Variants in L3MBTL4 observed in about 807,000 individuals in gnomAD.
L3MBTL4 encodes lethal(3)malignant brain tumor-like protein 4.
Under a neutral mutation model 84.5 loss-of-function variants are expected in L3MBTL4, and 70 were observed. The ratio of observed to expected loss-of-function variants is 0.83; its 90% CI spans 0.68 to 1.01. The LOEUF (loss-of-function observed/expected upper bound fraction) is 1.01, where lower values mean the gene tolerates loss of function less well. L3MBTL4 is among the 50% of genes least tolerant of loss of function. The pLI, the probability that L3MBTL4 is intolerant of heterozygous loss-of-function variation, is 0.00. For synonymous variants in L3MBTL4, 274 were observed against 259.8 expected, an observed-to-expected ratio of 1.05 and a Z score of -0.52; for missense variants, 715 against 754.8, an observed-to-expected ratio of 0.95 and a Z score of 0.62.
At chr18:6,282,959 C>G (rs1156531020) in intron 4 of L3MBTL4, among the ~76,000 whole-genome samples, 1 of 152,174 alleles carries the variant, frequency 6.6e-6, no homozygotes. Context: ...CTCCAGGCAG[C>G]CCCTGAGGTC....
intron 16 of L3MBTL4, among the ~76,000 whole-genome samples, chr18:5,995,548 T>C (rs1370337783): frequency 6.6e-6 from 1 of 152,240 alleles, no homozygotes; most frequent in Non-Finnish European, 1.5e-5. Context: ...GATGTGTACC[T>C]AGCTTTGCTC....
intron 16 of L3MBTL4, among the ~76,000 whole-genome samples, chr18:6,068,029 A>G (rs2057455637): frequency 6.6e-6 from 1 of 151,950 alleles, no homozygotes; most frequent in Admixed American, 6.6e-5. Context: ...ATTATAGCCT[A>G]ATTTGATTCT....
intron 5 of L3MBTL4, among the ~76,000 whole-genome samples, chr18:6,255,271 C>A (rs921918325): frequency 2.6e-5 from 4 of 152,208 alleles, no homozygotes; most frequent in African/African-American, 9.7e-5. Context: ...CAGCTTCCAG[C>A]TGGAACTGCA....
At chr18:6,367,096 A>G (rs557336208) in intron 1 of L3MBTL4, among the ~76,000 whole-genome samples, 1 of 152,358 alleles carries the variant, frequency 6.6e-6, no homozygotes, top group African/African-American at 2.4e-5. Context: ...CCCAAGCCCG[A>G]CAGTCTAACC....
At chr18:6,143,081 CT>C (rs907753726) in intron 13 of L3MBTL4, among the ~76,000 whole-genome samples, 2 of 152,178 alleles carry the variant, frequency 1.3e-5, no homozygotes, top group African/African-American at 4.8e-5. Flanking sequence ...AAAAAATACT[CT>C]CCATCAGCTA....
intron 1 of L3MBTL4, among the ~76,000 whole-genome samples, chr18:6,344,555 C>A (rs1184261502): frequency 6.6e-6 from 1 of 152,160 alleles, no homozygotes; most frequent in Non-Finnish European, 1.5e-5. Context: ...CAGCATTACC[C>A]TGATAGCAAA....
In L3MBTL4 at chr18:6,146,477, C is replaced by T. The variant is rs193128942; in HGVS notation, c.1097-8181G>A. Among the ~76,000 whole-genome samples, 566 of 152,278 alleles carry T rather than the reference C, an allele frequency of 3.7e-3. 2 individuals are homozygous for T. The highest frequency in any genetic ancestry group is 0.013 in the African/African-American group (531 of 41,550). ...CTACGAGGAAGCTGCGGAGAAGGCG[C>T]TCAGTCCATGCAACGGTTGAACCTG... On this transcript the variant is annotated intron_variant, in intron 13 of 18. Transcript: ENST00000317931.
At position 5,955,995 on chromosome 18, in the gene L3MBTL4, A is replaced by G. The variant is rs1431068143; in HGVS notation, c.*225T>C. ...AGCTGAGCGGATCCCACCAAAGATA[A>G]CAATGTTCGTAAACCAAACCCACAG... is the stretch of plus-strand genomic sequence containing the variant. On this transcript the variant is annotated 3_prime_UTR_variant, in exon 19 of 19. Coordinates refer to ENST00000317931, the MANE Select transcript of L3MBTL4 (RefSeq NM_001330559.2). 2.1e-6 allele frequency: 1 copy of G among 469,352 alleles called. No homozygotes were observed. The highest frequency in any genetic ancestry group is 3.8e-6 in the Non-Finnish European group (1 of 266,010). The allele number at this position is 469,352 out of a possible 1,614,324, so 29.1% of individuals were successfully genotyped here.
intron 12 of L3MBTL4, among the ~76,000 whole-genome samples, chr18:6,185,960 C>CTTTATTTTATTTTACTTTATTTTAT (rs1555682204): frequency 4.1e-5 from 6 of 145,786 alleles, no homozygotes; most frequent in African/African-American, 1.1e-4. Context: ...AGGGCACTTT[C>CTTTATTTTATTTTACTTTATTTTAT]TTTATTTTAT....
In L3MBTL4 at chr18:6,385,359, A is replaced by G. The variant is rs531909546; in HGVS notation, c.-91+29442T>C. 3.3e-5 allele frequency among the ~76,000 whole-genome samples: 5 copies of G among 152,310 alleles called. No homozygotes were observed. The South Asian group carries it at 1.0e-3, about 32-fold the overall frequency. ...TGAGGCTGCAGTGGGCTGTGACTGC[A>G]CCACTGCAATGCAGCCTGGGTGACA... is the stretch of plus-strand genomic sequence containing the variant. On this transcript the variant is annotated intron_variant, in intron 1 of 18. Transcript: ENST00000317931.
intron 4 of L3MBTL4, among the ~76,000 whole-genome samples, chr18:6,299,753 T>C (rs551115778): frequency 2.0e-5 from 3 of 152,198 alleles, no homozygotes; most frequent in Non-Finnish European, 4.4e-5. Flanking sequence ...CACTACAGCC[T>C]CGACCTTCTG....
chr18:6,189,780 A>T (rs2044976923), intron 12 of L3MBTL4, among the ~76,000 whole-genome samples: 1 of 152,204 alleles, frequency 6.6e-6, no homozygotes, highest in Admixed American at 6.5e-5. Context: ...TGAAAATAGC[A>T]GAAAAAAAGG....
At chr18:6,111,762 G>A (rs1304547088) in intron 14 of L3MBTL4, among the ~76,000 whole-genome samples, 2 of 152,120 alleles carry the variant, frequency 1.3e-5, no homozygotes, top group African/African-American at 4.8e-5. Flanking sequence ...ACAGTATGAT[G>A]TCTTCAAATA....
intron 1 of L3MBTL4, among the ~76,000 whole-genome samples, chr18:6,326,202 C>T (rs751148674): frequency 2.0e-5 from 3 of 152,134 alleles, no homozygotes; most frequent in African/African-American, 4.8e-5. Flanking sequence ...AGACAAAATA[C>T]GGAAATCACA....
intron 16 of L3MBTL4, among the ~76,000 whole-genome samples, chr18:6,053,043 AC>A (rs2056891178): frequency 6.6e-6 from 1 of 152,250 alleles, no homozygotes; most frequent in Non-Finnish European, 1.5e-5. Context: ...TTGATTATCA[AC>A]CAGTCCTTGT....
chr18:5,990,770 G>GTGTGTGTGTGTGTGT (rs1567956295), intron 16 of L3MBTL4, among the ~76,000 whole-genome samples: 1 of 142,288 alleles, frequency 7.0e-6, no homozygotes, highest in African/African-American at 2.6e-5. Flanking sequence ...GGTTCATGTG[G>GTGTGTGTGTGTGTGT]GTGTGTGTGT....
Position 6,041,779 on chromosome 18 carries a change from C to A in L3MBTL4, c.1444+39102G>T, listed in dbSNP as rs555072883. On this transcript the variant is annotated intron_variant, in intron 16 of 18. Transcript: ENST00000317931. ...TCACCCTGTTGCCTAGGCGGGAGTT[C>A]AATGGCACAACTGTGGCTTACTACA... Among the ~76,000 whole-genome samples the A allele has an allele frequency of 5.7e-4, 87 of 152,140 alleles. 1 individual carries two copies. Among genetic ancestry groups the A allele is most frequent in the Admixed American group, 3.9e-4 (6 of 15,286 alleles).
At chr18:6,117,042 C>T (rs1405424584) in intron 14 of L3MBTL4, among the ~76,000 whole-genome samples, 2 of 152,206 alleles carry the variant, frequency 1.3e-5, no homozygotes, top group African/African-American at 4.8e-5. Flanking sequence ...TTTCACACAA[C>T]GTGATGTTTG....
chr18:6,126,391 G>GATTTCATC (rs1389235984), intron 14 of L3MBTL4, among the ~76,000 whole-genome samples: 1 of 152,078 alleles, frequency 6.6e-6, no homozygotes, highest in Non-Finnish European at 1.5e-5. Flanking sequence ...AAAATTACCA[G>GATTTCATC]ATTTCATCAT....
Sources: allele counts gnomAD v4.1 joint callset (sites outside exome capture counted in the v4.1 genomes callset), GRCh38; gene constraint gnomAD v4.1.1; transcripts MANE v1.5; gene names NCBI Gene and HGNC (gene_info 2026-07-23, HGNC 2026-07-21).